Variants in SMURF1 observed in about 807,000 individuals in gnomAD.
SMURF1 encodes the protein E3 ubiquitin-protein ligase SMURF1.
In SMURF1, 44 loss-of-function variants were observed where a neutral mutation model predicts 98.0. The ratio of observed to expected loss-of-function variants is 0.45; its 90% CI spans 0.35 to 0.58. The LOEUF (loss-of-function observed/expected upper bound fraction) is 0.58, where lower values mean the gene tolerates loss of function less well. SMURF1 is among the 20% of genes least tolerant of loss of function. The probability of loss-of-function intolerance (pLI) is 0.00; values close to 1 mark genes in which losing one functional copy is unlikely to be tolerated. For missense variants in SMURF1, 687 were observed against 938.4 expected (o/e 0.73, Z 3.50); for synonymous variants, 396 against 374.9 (o/e 1.06, Z -0.65).
intron 1 of SMURF1, among the ~76,000 whole-genome samples, chr7:99,087,259 C>T (rs1796703313): frequency 6.6e-6 from 1 of 151,934 alleles, no homozygotes; most frequent in Non-Finnish European, 1.5e-5. Flanking sequence ...GTGCCATATG[C>T]CTATGGTCCC....
chr7:99,047,296 CGCAGATT>C (rs1403784867), intron 10 of SMURF1, among the ~76,000 whole-genome samples: 4 of 152,312 alleles, frequency 2.6e-5, no homozygotes, highest in Non-Finnish European at 5.9e-5. Flanking sequence ...CTGGGGAAAG[CGCAGATT>C]GCAGATTGCA....
At chr7:99,036,885 TA>T (rs539980428) in intron 15 of SMURF1, among the ~76,000 whole-genome samples, 181 bp downstream of exon 15, 44 of 152,296 alleles carry the variant, frequency 2.9e-4, no homozygotes, top group Non-Finnish European at 5.0e-4. Flanking sequence ...CGCCGGTTAC[TA>T]ACTGGCATGA....
chr7:99,129,644 A>G (rs1305765039), intron 1 of SMURF1, among the ~76,000 whole-genome samples: 1 of 152,106 alleles, frequency 6.6e-6, no homozygotes, highest in East Asian at 1.9e-4. Context: ...CTTCCACCTC[A>G]ACCTCCCCAA....
At chr7:99,125,258 G>GT (rs889082670) in intron 1 of SMURF1, among the ~76,000 whole-genome samples, 2 of 151,780 alleles carry the variant, frequency 1.3e-5, no homozygotes, top group Non-Finnish European at 2.9e-5. Context: ...TTTTGTTTTT[G>GT]TTTTTTTAAA....
At chr7:99,087,461 G>A (rs999572133) in intron 1 of SMURF1, among the ~76,000 whole-genome samples, 9 of 152,200 alleles carry the variant, frequency 5.9e-5, no homozygotes, top group Non-Finnish European at 1.0e-4. Flanking sequence ...ATAAGTCTTA[G>A]CATTATCTTA....
At position 99,128,083 on chromosome 7, in the gene SMURF1, CA is replaced by C. The variant is rs138594361; in HGVS notation, c.55+15642del. Among the ~76,000 whole-genome samples the C allele has an allele frequency of 3.1e-3, 467 of 150,296 alleles. 3 individuals carry two copies. Among genetic ancestry groups the C allele is most frequent in the South Asian group, 0.016 (77 of 4,740 alleles). ...CAGTAAATAAACCCTCTGGGGTTTC[CA>C]AAAAAAAATAATATCGCTGTTTCAG... On this transcript the variant is annotated intron_variant, in intron 1 of 17. Coordinates refer to ENST00000361368, the MANE Select transcript of SMURF1 (RefSeq NM_181349.3).
intron 1 of SMURF1, among the ~76,000 whole-genome samples, chr7:99,132,031 G>A (rs1394471927): frequency 2.6e-5 from 4 of 152,276 alleles, no homozygotes; most frequent in African/African-American, 7.2e-5. Flanking sequence ...GAAAAGACCT[G>A]GAAACCAAAA....
chr7:99,034,573 A>C (rs1461457309), intron 16 of SMURF1, among the ~76,000 whole-genome samples: 1 of 152,030 alleles, frequency 6.6e-6, no homozygotes, highest in African/African-American at 2.4e-5. Context: ...GAATGGGGCT[A>C]ATAATCCCCA....
At chr7:99,112,538 C>T (rs189285873) in intron 1 of SMURF1, among the ~76,000 whole-genome samples, 533 of 152,202 alleles carry the variant, frequency 3.5e-3, no homozygotes, top group South Asian at 0.013. Flanking sequence ...ATCTCATTTC[C>T]TAAGTTACCA....
At position 99,144,031 on chromosome 7, in the gene SMURF1, G is replaced by GCCGCCGCCT. The variant is rs937798636; in HGVS notation, c.-260_-252dup. The stretch of plus-strand genomic sequence containing the variant: ...CCAGTCCCGAGCCGCCGCCGCCTCC[G>GCCGCCGCCT]CCGCCGCCTCCGCCGCCTCCACCAC... On this transcript the variant is annotated 5_prime_UTR_variant, in exon 1 of 18. Coordinates refer to ENST00000361368, the MANE Select transcript of SMURF1 (RefSeq NM_181349.3). The GCCGCCGCCT allele has an allele frequency of 3.6e-4, 95 of 262,920 alleles. No homozygotes were observed. The highest frequency in any genetic ancestry group is 6.6e-4 in the African/African-American group (29 of 43,752). The allele number at this position is 262,920 out of a possible 1,614,324, so 16.3% of individuals were successfully genotyped here.
At position 99,070,217 on chromosome 7, in the gene SMURF1, C is replaced by G. The variant is rs542110597; in HGVS notation, c.56-8380G>C. On this transcript the variant is annotated intron_variant, in intron 1 of 17. Coordinates refer to ENST00000361368, the MANE Select transcript of SMURF1 (RefSeq NM_181349.3). ...AAACTGTCTCTTCTGTGAGACACAA[C>G]TGAGCCCCAAGGACGAGGTGGGGAT... 2.0e-5 allele frequency among the ~76,000 whole-genome samples: 3 copies of G among 152,234 alleles called. No homozygotes were observed. The South Asian group carries it at 6.2e-4, about 31-fold the overall frequency.
At chr7:99,069,082 G>C (rs929869277) in intron 1 of SMURF1, among the ~76,000 whole-genome samples, 1 of 152,110 alleles carries the variant, frequency 6.6e-6, no homozygotes, top group Non-Finnish European at 1.5e-5. Flanking sequence ...CTTTTTTCAT[G>C]TTAAAATGTT....
At chr7:99,055,502 A>G (rs1392829069) in intron 5 of SMURF1, among the ~76,000 whole-genome samples, 2 of 149,996 alleles carry the variant, frequency 1.3e-5, no homozygotes, top group Non-Finnish European at 2.9e-5. Context: ...AATAATAAAA[A>G]TAAGAAGTTT....
At chr7:99,046,437 C>G (rs898837213) in intron 10 of SMURF1, among the ~76,000 whole-genome samples, 2 of 152,108 alleles carry the variant, frequency 1.3e-5, no homozygotes, top group South Asian at 2.1e-4. Flanking sequence ...AATTCAAACT[C>G]CAGCAACCCA....
rs199777869 is a variant in SMURF1 at position 99,143,818 on chromosome 7, A to C, written c.-38T>G. On this transcript the variant is annotated 5_prime_UTR_variant, in exon 1 of 18. Transcript: ENST00000361368. ...ATCGGGCAGCCGCGGATCCAGCGCC[A>C]CCGCCCCCCAGCCCGGCCCGGCCCG... 1 of 1,452,036 alleles carries C rather than the reference A, an allele frequency of 6.9e-7. No homozygotes were observed. The highest frequency in any genetic ancestry group is 9.1e-7 in the Non-Finnish European group (1 of 1,094,610). 89.9% of individuals were successfully genotyped at this position (1,452,036 alleles called of 1,614,324 possible). A position where few individuals can be genotyped will look rare whatever the true frequency, so the allele number is the denominator to read the frequency against.
chr7:99,081,932 C>T (rs979492649), intron 1 of SMURF1, among the ~76,000 whole-genome samples: 1 of 152,338 alleles, frequency 6.6e-6, no homozygotes, highest in Non-Finnish European at 1.5e-5. Context: ...GGATTACAGG[C>T]ATGAGCCACC....
chr7:99,076,141 G>T (rs542765094), intron 1 of SMURF1, among the ~76,000 whole-genome samples: 4 of 152,306 alleles, frequency 2.6e-5, no homozygotes, highest in African/African-American at 9.6e-5. Context: ...CTGGGCTCAA[G>T]CGATCCTCCA....
At chr7:99,079,125 C>T (rs1457288401) in intron 1 of SMURF1, among the ~76,000 whole-genome samples, 3 of 152,208 alleles carry the variant, frequency 2.0e-5, no homozygotes, top group South Asian at 2.1e-4. Context: ...GGTGGGAAGC[C>T]GGGAAGCTGA....
rs1233071418 is a variant in SMURF1 at position 99,061,316 on chromosome 7, C to T, written c.94+483G>A. On this transcript the variant is annotated intron_variant, in intron 2 of 17. Coordinates refer to ENST00000361368, the MANE Select transcript of SMURF1 (RefSeq NM_181349.3). ...TGTGAAGAATTTAATGCTGCAGGCA[C>T]TGACCAGATACTGCATGACTTTCTT... Among the ~76,000 whole-genome samples the T allele has an allele frequency of 6.6e-5, 10 of 152,342 alleles. No individual in the cohort carries two copies. In the East Asian group the frequency reaches 1.9e-3, roughly 29 times the overall value.
Sources: gnomAD v4.1 joint callset for allele counts (sites outside exome capture counted in the v4.1 genomes callset) on GRCh38, gnomAD v4.1.1 for gene constraint, MANE v1.5 for transcripts, NCBI Gene and HGNC (gene_info 2026-07-23, HGNC 2026-07-21) for gene names.